FBXW8: variants seen among roughly 807,000 people sequenced by gnomAD.
FBXW8 encodes the protein F-box/WD repeat-containing protein 8.
FBXW8 carries 57 observed loss-of-function variants against 65.3 expected under a neutral mutation model. That is an observed-to-expected ratio of 0.87 (90% CI 0.71 to 1.09). The LOEUF (loss-of-function observed/expected upper bound fraction) is 1.09. FBXW8 is among the 50% of genes least tolerant of loss of function. The pLI is 0.00. For missense variants in FBXW8, 777 were observed against 814.8 expected, an observed-to-expected ratio of 0.95 and a Z score of 0.57; for synonymous variants, 308 against 330.2, an observed-to-expected ratio of 0.93 and a Z score of 0.73.
chr12:116,914,500 G>A (rs1880242552), intron 1 of FBXW8, among the ~76,000 whole-genome samples: 1 of 149,622 alleles, frequency 6.7e-6, no homozygotes, highest in South Asian at 2.1e-4. Flanking sequence ...TTGAGGCCAG[G>A]AGGTCGAGGA....
intron 8 of FBXW8, among the ~76,000 whole-genome samples, chr12:117,021,787 C>T (rs1291013865): frequency 6.6e-6 from 1 of 152,004 alleles, no homozygotes; most frequent in Non-Finnish European, 1.5e-5. Context: ...CTAATTGTGT[C>T]TGGTTTTTAA....
At chr12:117,011,993 T>G (rs570504756) in intron 8 of FBXW8, among the ~76,000 whole-genome samples, 39 of 152,300 alleles carry the variant, frequency 2.6e-4, no homozygotes, top group Middle Eastern at 3.4e-3. Flanking sequence ...TAGAGATGGT[T>G]TTTAATGGAG....
intron 2 of FBXW8, among the ~76,000 whole-genome samples, chr12:116,943,382 G>T (rs1303425966): frequency 6.6e-6 from 1 of 152,160 alleles, no homozygotes; most frequent in Non-Finnish European, 1.5e-5. Context: ...TATTTTTGTT[G>T]TTGCTGCTGT....
rs1954290853 is a variant in FBXW8 at position 117,028,459 on chromosome 12, C to T, written c.*287C>T. The T allele has an allele frequency of 6.4e-6, 3 of 466,726 alleles. No individual in the cohort carries two copies. The highest frequency in any genetic ancestry group is 1.2e-5 in the Non-Finnish European group (3 of 253,822). The allele number at this position is 466,726 out of a possible 1,614,324, so 28.9% of individuals were successfully genotyped here. On this transcript the variant is annotated 3_prime_UTR_variant, in exon 11 of 11. Coordinates refer to ENST00000652555, the MANE Select transcript of FBXW8 (RefSeq NM_153348.3). This position sits in a 1 kb window ranked among gnomAD's most constrained non-coding sequence, Gnocchi z 4.1. ...AGCTCCCTCAGGACGCCTCAGGGAT[C>T]TCGCTGCGCGGTCCTATACGGTCCC...
At chr12:116,925,764 T>C (rs1328655554) in intron 1 of FBXW8, among the ~76,000 whole-genome samples, 2 of 152,210 alleles carry the variant, frequency 1.3e-5, no homozygotes, top group Non-Finnish European at 2.9e-5. Flanking sequence ...ATGCATGCAT[T>C]AACAGTGAGA....
chr12:116,984,519 G>A (rs994345044), intron 5 of FBXW8, among the ~76,000 whole-genome samples: 18 of 152,288 alleles, frequency 1.2e-4, no homozygotes, highest in Middle Eastern at 3.4e-3. Context: ...TAGGAGGATG[G>A]CGCTGAGGAA....
chr12:116,944,080 G>A (rs999029021), intron 2 of FBXW8, among the ~76,000 whole-genome samples: 1 of 152,154 alleles, frequency 6.6e-6, no homozygotes, highest in African/African-American at 2.4e-5. Flanking sequence ...CTATCTTCAC[G>A]AGGTTGTTGA....
chr12:117,028,505 G>A lies in FBXW8; in HGVS notation c.*333G>A. 1 of 241,858 alleles carries A rather than the reference G, an allele frequency of 4.1e-6. No homozygotes were observed. The highest frequency in any genetic ancestry group is 8.2e-6 in the Non-Finnish European group (1 of 122,330). The allele number at this position is 241,858 out of a possible 1,614,324, so 15.0% of individuals were successfully genotyped here. A position where few individuals can be genotyped will look rare whatever the true frequency, so the allele number is the denominator to read the frequency against. On this transcript the variant is annotated 3_prime_UTR_variant, in exon 11 of 11. Coordinates refer to ENST00000652555, the MANE Select transcript of FBXW8 (RefSeq NM_153348.3). The surrounding 1 kb of genome is among the most constrained non-coding windows in gnomAD (Gnocchi z 4.1). ...GTCCCTGCTTAGCCAGCTTCTGTGTGTCCGCCCTCCCAGCTCCAGCCCTGC... is the reference window on the plus strand; with the variant it reads ...GTCCCTGCTTAGCCAGCTTCTGTGTATCCGCCCTCCCAGCTCCAGCCCTGC...
At chr12:116,980,588 A>G (rs1316465476) in intron 5 of FBXW8, among the ~76,000 whole-genome samples, 1 of 152,224 alleles carries the variant, frequency 6.6e-6, no homozygotes, top group Non-Finnish European at 1.5e-5. Flanking sequence ...CCGCAGTATG[A>G]TAACACTTGA....
In FBXW8 at chr12:116,961,092, T is replaced by C. The variant is rs1883959417; in HGVS notation, c.678-3605T>C. Among the ~76,000 whole-genome samples, 1 of 152,106 alleles carries C rather than the reference T, an allele frequency of 6.6e-6. No individual in the cohort carries two copies. Among genetic ancestry groups the C allele is most frequent in the African/African-American group, 2.4e-5 (1 of 41,420 alleles). ...GCTCACTGCAACCTCCACCTCCCAGTTCAAGCGATTCTTCTGCCTCAGCCT... is the reference window on the plus strand; with the variant it reads ...GCTCACTGCAACCTCCACCTCCCAGCTCAAGCGATTCTTCTGCCTCAGCCT... On this transcript the variant is annotated intron_variant, in intron 4 of 10. Coordinates refer to ENST00000652555, the MANE Select transcript of FBXW8 (RefSeq NM_153348.3). This position sits in a 1 kb window ranked among gnomAD's most constrained non-coding sequence, Gnocchi z 4.4.
intron 4 of FBXW8, among the ~76,000 whole-genome samples, chr12:116,954,148 T>C (rs1012537186): frequency 3.4e-5 from 5 of 148,294 alleles, no homozygotes; most frequent in African/African-American, 5.0e-5. Flanking sequence ...AAAGCAGTGG[T>C]AAAAACCATG....
intron 1 of FBXW8, among the ~76,000 whole-genome samples, chr12:116,917,997 A>AC (rs1880573588): frequency 6.6e-6 from 1 of 150,984 alleles, no homozygotes; most frequent in Admixed American, 6.6e-5. Flanking sequence ...ACCTCAAAAA[A>AC]AAAAAAACAA....
At chr12:116,985,515 C>T in intron 6 of FBXW8, 113 bp downstream of exon 6, 2 of 1,020,626 alleles carry the variant, frequency 2.0e-6, no homozygotes, top group Non-Finnish European at 2.8e-6. Flanking sequence ...TCCTGCGGGC[C>T]TTACCTCCAT....
chr12:117,027,604 C>T, intron 10 of FBXW8, 100 bp downstream of exon 10: 6 of 920,318 alleles, frequency 6.5e-6, no homozygotes, highest in Non-Finnish European at 1.0e-5. Context: ...ATGGGCTATA[C>T]CCTCAGGCAG....
intron 7 of FBXW8, among the ~76,000 whole-genome samples, chr12:116,993,361 C>G (rs1953300415): frequency 6.6e-6 from 1 of 152,122 alleles, no homozygotes; most frequent in South Asian, 2.1e-4. Flanking sequence ...CTTGGCTTCT[C>G]AAAGTGCTGG....
At chr12:116,930,136 C>CAA (rs1881657647) in intron 2 of FBXW8, among the ~76,000 whole-genome samples, 1 of 152,142 alleles carries the variant, frequency 6.6e-6, no homozygotes, top group South Asian at 2.1e-4. Flanking sequence ...ATGAGCCTGG[C>CAA]AGTACAGAGA....
chr12:117,010,448 G>T lies in FBXW8; in HGVS notation c.1365G>T (p.Gly455=), dbSNP rs762020122. ...PNLMVSGNMD[G]RVRIHDLRSG... ...TCATGGTCAGTGGCAACATGGACGG[G>T]AGGTACGTGAGTTGGAAGGGCATTG... Residue 455 remains glycine (G), a splice_region_variant and synonymous_variant, in exon 8 of 11, where the codon GGG becomes GGT. Transcript: ENST00000652555. 6.2e-7 allele frequency: 1 copy of T among 1,614,226 alleles called. No individual in the cohort carries two copies. Among genetic ancestry groups the T allele is most frequent in the Non-Finnish European group, 8.5e-7 (1 of 1,180,032 alleles).
chr12:117,011,525 G>T lies in FBXW8; in HGVS notation c.1367+1075G>T, dbSNP rs551383778. On this transcript the variant is annotated intron_variant, in intron 8 of 10. Transcript: ENST00000652555. ...ACTCCTCAGTGTGTGTGTGGGGCACGCACTGGGCTAGTTCTCTTTAGAAAC... is the reference window on the plus strand; with the variant it reads ...ACTCCTCAGTGTGTGTGTGGGGCACTCACTGGGCTAGTTCTCTTTAGAAAC... Among the ~76,000 whole-genome samples the T allele has an allele frequency of 1.1e-4, 16 of 152,258 alleles. No individual in the cohort carries two copies. The East Asian group carries it at 1.5e-3, about 15-fold the overall frequency.
At chr12:116,923,669 G>T (rs1157764803) in intron 1 of FBXW8, among the ~76,000 whole-genome samples, 2 of 151,400 alleles carry the variant, frequency 1.3e-5, no homozygotes, top group Non-Finnish European at 2.9e-5. Context: ...GACTACAGGC[G>T]CCTGCCACCA....
Sources: allele counts gnomAD v4.1 joint callset (sites outside exome capture counted in the v4.1 genomes callset), GRCh38; gene constraint gnomAD v4.1.1; non-coding constraint Gnocchi (gnomAD v3.1); transcripts MANE v1.5; gene names NCBI Gene and HGNC (gene_info 2026-07-23, HGNC 2026-07-21).